The following TENM3 variants were observed in gnomAD, a reference collection of about 807,000 sequenced individuals.
The protein encoded by TENM3 is teneurin-3.
In TENM3, 63 loss-of-function variants were observed where a neutral mutation model predicts 255.1. The observed-to-expected ratio is 0.25, with a 90% confidence interval of 0.20 to 0.30. TENM3 has a LOEUF of 0.30. Ranked by LOEUF, TENM3 falls within the 10% of genes least tolerant of loss-of-function variation. The pLI, the probability that TENM3 is intolerant of heterozygous loss-of-function variation, is 1.00. For synonymous variants in TENM3, 1,306 were observed against 1,322.3 expected (o/e 0.99, Z 0.27); for missense variants, 2,929 against 3,461.1 (o/e 0.85, Z 3.86).
At chr4:182,599,353 G>A (rs1347377372) in intron 3 of TENM3, among the ~76,000 whole-genome samples, 1 of 152,158 alleles carries the variant, frequency 6.6e-6, no homozygotes, top group African/African-American at 2.4e-5. Flanking sequence ...AATAAACCAA[G>A]AAGGATTCCT....
the TENM3 span, among the ~76,000 whole-genome samples, chr4:181,615,671 TAGAG>T: frequency 6.6e-6 from 1 of 152,196 alleles, no homozygotes; most frequent in South Asian, 2.1e-4. Context: ...TACTAATGCT[TAGAG>T]AGAATTTTTC....
chr4:181,840,059 C>T, the TENM3 span, among the ~76,000 whole-genome samples: 3 of 152,026 alleles, frequency 2.0e-5, no homozygotes, highest in Admixed American at 2.0e-4. Flanking sequence ...TTCAAAGTCT[C>T]TAAACTTCTC....
chr4:181,944,376 C>T, the TENM3 span, among the ~76,000 whole-genome samples: 1 of 149,416 alleles, frequency 6.7e-6, no homozygotes, highest in Non-Finnish European at 1.5e-5. Context: ...TCTTCCCCTG[C>T]TTTTGTGTTC....
At chr4:181,795,144 G>A in the TENM3 span, among the ~76,000 whole-genome samples, 1 of 152,078 alleles carries the variant, frequency 6.6e-6, no homozygotes, top group Non-Finnish European at 1.5e-5. Context: ...TTGTGTTTTC[G>A]ATGGATGTCT....
chr4:182,656,301 CCTAA>C (rs1345554881), intron 6 of TENM3, among the ~76,000 whole-genome samples: 3 of 152,132 alleles, frequency 2.0e-5, no homozygotes, highest in African/African-American at 4.8e-5. Flanking sequence ...CAAAGAGTGA[CCTAA>C]CTATTAGTTA....
chr4:182,032,314 G>GT, the TENM3 span, among the ~76,000 whole-genome samples: 9 of 152,116 alleles, frequency 5.9e-5, no homozygotes, highest in African/African-American at 2.2e-4. Flanking sequence ...TAATCATGTG[G>GT]TTTTTTGACT....
intron 3 of TENM3, among the ~76,000 whole-genome samples, chr4:182,468,643 A>T (rs79945183): frequency 6.6e-6 from 1 of 152,300 alleles, no homozygotes; most frequent in East Asian, 1.9e-4. Context: ...AAAATAAAAC[A>T]TTCCCTTGTT....
the TENM3 span, among the ~76,000 whole-genome samples, chr4:181,557,684 C>A: frequency 1.0e-5 from 1 of 99,516 alleles, no homozygotes; most frequent in East Asian, 2.5e-4. Context: ...CTGCCACCAC[C>A]CCCAGCTATT....
At chr4:182,735,956 T>A (rs1021530712) in intron 16 of TENM3, among the ~76,000 whole-genome samples, 3 of 152,230 alleles carry the variant, frequency 2.0e-5, no homozygotes, top group Admixed American at 1.3e-4. Context: ...ATAATTCTTA[T>A]GCACATAATT....
chr4:181,835,344 C>T, the TENM3 span, among the ~76,000 whole-genome samples: 58 of 152,312 alleles, frequency 3.8e-4, no homozygotes, highest in South Asian at 0.012. Context: ...GCTAATTTCT[C>T]ATTTTGAGCA....
intron 1 of TENM3, among the ~76,000 whole-genome samples, chr4:182,170,997 A>T (rs1752068981): frequency 6.6e-6 from 1 of 152,150 alleles, no homozygotes; most frequent in Admixed American, 6.6e-5. Context: ...CATAACAGCT[A>T]TTGTAGAGTG....
the TENM3 span, among the ~76,000 whole-genome samples, chr4:181,471,713 G>A: frequency 1.3e-5 from 2 of 152,166 alleles, no homozygotes; most frequent in African/African-American, 4.8e-5. Context: ...GAGAAAAATA[G>A]TATCTTTTCC....
chr4:181,796,755 G>A, the TENM3 span, among the ~76,000 whole-genome samples: 28 of 152,310 alleles, frequency 1.8e-4, no homozygotes, highest in African/African-American at 5.5e-4. Context: ...TTTGGAACCC[G>A]TCCAGAACAC....
intron 1 of TENM3, among the ~76,000 whole-genome samples, chr4:182,231,136 G>A (rs1756549196): frequency 6.6e-6 from 1 of 151,776 alleles, no homozygotes; most frequent in African/African-American, 2.4e-5. Context: ...CTACATCTTT[G>A]TTCCCAGAAA....
chr4:181,887,877 G>A, the TENM3 span, among the ~76,000 whole-genome samples: 5 of 151,988 alleles, frequency 3.3e-5, no homozygotes, highest in South Asian at 4.1e-4. Flanking sequence ...AGACCTCAAG[G>A]ATTTAACTTT....
At chr4:181,624,176 C>T in the TENM3 span, among the ~76,000 whole-genome samples, 12 of 152,314 alleles carry the variant, frequency 7.9e-5, no homozygotes, top group Admixed American at 2.0e-4. Context: ...ACCCCAAACC[C>T]TCTGGCTACA....
the TENM3 span, among the ~76,000 whole-genome samples, chr4:181,705,930 G>A: frequency 6.6e-6 from 1 of 152,152 alleles, no homozygotes; most frequent in Admixed American, 6.5e-5. Flanking sequence ...ATTGAGCCTG[G>A]GCAACAAGAG....
intron 4 of TENM3, among the ~76,000 whole-genome samples, chr4:182,628,390 G>C (rs1217627800): frequency 1.3e-5 from 2 of 152,190 alleles, no homozygotes; most frequent in African/African-American, 2.4e-5. Flanking sequence ...TGAAGGGACA[G>C]TGATCATTTA....
intron 12 of TENM3, among the ~76,000 whole-genome samples, chr4:182,699,448 T>C (rs1757680318): frequency 6.6e-6 from 1 of 152,326 alleles, no homozygotes; most frequent in East Asian, 1.9e-4. Context: ...ACTAGTTCTT[T>C]TAAGTCTCAA....
Sources: gnomAD v4.1 joint callset for allele counts (sites outside exome capture counted in the v4.1 genomes callset) on GRCh38, gnomAD v4.1.1 for gene constraint, MANE v1.5 for transcripts, NCBI Gene and HGNC (gene_info 2026-07-23, HGNC 2026-07-21) for gene names.